SATB2: variants seen among roughly 807,000 people sequenced by gnomAD.
SATB2 encodes SATB homeobox 2, also known as DNA-binding protein SATB2.
A neutral mutation model predicts 73.4 loss-of-function variants in SATB2; 1 was observed. The observed-to-expected ratio is 0.01, with a 90% confidence interval of 0.00 to 0.06. The LOEUF (loss-of-function observed/expected upper bound fraction) is 0.06. Among genes scored for constraint, SATB2 ranks in the 10% least tolerant of loss-of-function variants. The pLI is 1.00. For missense variants in SATB2, 459 were observed against 945.8 expected (o/e 0.49, Z 6.75); for synonymous variants, 397 against 367.0 (o/e 1.08, Z -0.93).
chr2:199,461,944 A>G (rs1692484737), upstream of SATB2, among the ~76,000 whole-genome samples: 1 of 152,062 alleles, frequency 6.6e-6, no homozygotes, highest in Non-Finnish European at 1.5e-5. Context: ...TCCTTCCTAG[A>G]GGCCCGCTCC....
intron 10 of SATB2, among the ~76,000 whole-genome samples, chr2:199,273,352 A>G (rs1692215497): frequency 6.6e-6 from 1 of 152,198 alleles, no homozygotes; most frequent in African/African-American, 2.4e-5. Context: ...CTATGTTCCA[A>G]TAAGACTAAA....
chr2:199,348,175 T>C (rs767283892), intron 7 of SATB2: 2 of 152,478 alleles, frequency 1.3e-5, no homozygotes, highest in African/African-American at 4.8e-5. Context: ...CTATCCATTA[T>C]CATTTTATCA....
At chr2:199,326,295 C>CGTAT (rs1688027236) in intron 8 of SATB2, among the ~76,000 whole-genome samples, 1 of 151,976 alleles carries the variant, frequency 6.6e-6, no homozygotes, top group Non-Finnish European at 1.5e-5. Context: ...ATGCCATGAC[C>CGTAT]GTATTCTCAA....
intron 3 of SATB2, among the ~76,000 whole-genome samples, chr2:199,411,918 T>C (rs1188143036): frequency 1.3e-5 from 2 of 152,218 alleles, no homozygotes; most frequent in Admixed American, 6.5e-5. Flanking sequence ...ACCTCAATTG[T>C]AATTGAATCT....
intron 3 of SATB2, among the ~76,000 whole-genome samples, chr2:199,398,092 G>A (rs1487382502): frequency 3.9e-5 from 6 of 152,126 alleles, no homozygotes; most frequent in Admixed American, 3.9e-4. Flanking sequence ...GCTTCTCAGG[G>A]CAATGAGAAG....
chr2:199,371,314 G>A (rs1302256527), intron 5 of SATB2, among the ~76,000 whole-genome samples: 1 of 152,018 alleles, frequency 6.6e-6, no homozygotes, highest in Non-Finnish European at 1.5e-5. Flanking sequence ...AGGTCATCTT[G>A]ATGTTAGTGT....
rs934509671 is a variant in SATB2 at position 199,463,871 on chromosome 2, C to G, written c.-141+965G>C. ...CAGGCGTCCAGAAATCCGCTCCCAC[C>G]CCTCGTAGGGGCAGGCAAGCTCAGG... On this transcript the variant is annotated intron_variant, in intron 1 of 11. Transcript: ENST00000260926. The surrounding 1 kb of genome is among the most constrained non-coding windows in gnomAD (Gnocchi z 6.4). Among the ~76,000 whole-genome samples the G allele has an allele frequency of 6.6e-6, 1 of 152,190 alleles. No homozygotes were observed. The highest frequency in any genetic ancestry group is 2.4e-5 in the African/African-American group (1 of 41,460).
rs1692265805 is a variant in SATB2, at chr2:199,456,099, AG to A, written c.-59-4del. The stretch of plus-strand genomic sequence containing the variant: ...GTCGCAATAAAACGCACAGGGACCT[AG>A]GGAGGGGGTGGGGGGAGGAAGGGGG... On this transcript the variant is annotated splice_polypyrimidine_tract_variant and splice_region_variant and intron_variant, in intron 1 of 10. Transcript: ENST00000417098. 1.5e-5 allele frequency: 2 copies of A among 132,788 alleles called. No homozygotes were observed. Among genetic ancestry groups the A allele is most frequent in the South Asian group, 4.3e-5 (1 of 23,048 alleles). 8.2% of individuals were successfully genotyped at this position (132,788 alleles called of 1,614,324 possible). A position where few individuals can be genotyped will look rare whatever the true frequency, so the allele number is the denominator to read the frequency against.
chr2:199,411,153 A>C (rs1227171444), intron 3 of SATB2, among the ~76,000 whole-genome samples: 1 of 151,906 alleles, frequency 6.6e-6, no homozygotes, highest in African/African-American at 2.4e-5. Context: ...TTCCATTTTC[A>C]TTCTCTAACA....
intron 4 of SATB2, among the ~76,000 whole-genome samples, chr2:199,381,366 T>C (rs1311562257): frequency 2.0e-5 from 3 of 152,206 alleles, no homozygotes; most frequent in African/African-American, 7.2e-5. Flanking sequence ...GTGCTACACA[T>C]TTAAGCAGGC....
chr2:199,320,290 G>C (rs1687850066), intron 9 of SATB2, among the ~76,000 whole-genome samples: 2 of 152,152 alleles, frequency 1.3e-5, no homozygotes, highest in Admixed American at 1.3e-4. Flanking sequence ...TCTATTCCAT[G>C]ATCTGAGTAT....
Position 199,456,116 on chromosome 2 carries a change from A to T in SATB2, c.-59-20T>A. On this transcript the variant is annotated intron_variant, in intron 1 of 10. Coordinates refer to ENST00000417098, the MANE Select transcript of SATB2 (RefSeq NM_001172509.2). ...AGGGACCTAGGGAGGGGGTGGGGGG[A>T]GGAAGGGGGAGGGAGAAAAAAGAGG... 4 of 269,754 alleles carry T rather than the reference A, an allele frequency of 1.5e-5. No individual in the cohort carries two copies. The highest frequency in any genetic ancestry group is 2.9e-5 in the Non-Finnish European group (4 of 139,902). 16.7% of individuals were successfully genotyped at this position (269,754 alleles called of 1,614,324 possible).
At chr2:199,315,466 A>AC (rs1687704887) in intron 9 of SATB2, among the ~76,000 whole-genome samples, 1 of 151,892 alleles carries the variant, frequency 6.6e-6, no homozygotes, top group Admixed American at 6.6e-5. Flanking sequence ...TGTAAATCTT[A>AC]CATGTTAAGT....
Position 199,272,199 on chromosome 2 carries a change from T to A in SATB2, c.*12A>T, listed in dbSNP as rs1574458546. The A allele has an allele frequency of 1.2e-6, 2 of 1,611,418 alleles. No homozygotes were observed. The highest frequency in any genetic ancestry group is 1.7e-6 in the Non-Finnish European group (2 of 1,177,780). ...TGGACCGATGTATTGCTTTGCCTAG[T>A]AGAAGTTCACATTATCTCTGGTCAA... On this transcript the variant is annotated 3_prime_UTR_variant, in exon 11 of 11. Coordinates refer to ENST00000417098, the MANE Select transcript of SATB2 (RefSeq NM_001172509.2). The surrounding 1 kb of genome is among the most constrained non-coding windows in gnomAD (Gnocchi z 6.7).
chr2:199,403,364 T>C lies in SATB2; in HGVS notation c.347-21544A>G, dbSNP rs1415846917. On this transcript the variant is annotated intron_variant, in intron 3 of 10. Transcript: ENST00000417098. Reference sequence around the variant, plus strand: ...TGTATAATATTGTATAATATTGTAATATTAAGTGAAAAACTAAGATATATA... The same window carrying C: ...TGTATAATATTGTATAATATTGTAACATTAAGTGAAAAACTAAGATATATA... 3.3e-5 allele frequency among the ~76,000 whole-genome samples: 5 copies of C among 152,142 alleles called. No homozygotes were observed. In the East Asian group the frequency reaches 9.7e-4, roughly 29 times the overall value.
rs146825653 is a variant in SATB2, at chr2:199,356,108, T to C, written c.701-6935A>G. Among the ~76,000 whole-genome samples, 13 of 151,796 alleles carry C rather than the reference T, an allele frequency of 8.6e-5. No individual in the cohort carries two copies. In the East Asian group the frequency reaches 2.5e-3, roughly 30 times the overall value. ...TGGATTTTTCTTTAAGCCATTAAGA[T>C]GCTTATGCAAATGTAAATGGATTAG... On this transcript the variant is annotated intron_variant, in intron 6 of 10. Coordinates refer to ENST00000417098, the MANE Select transcript of SATB2 (RefSeq NM_001172509.2).
intron 3 of SATB2, among the ~76,000 whole-genome samples, chr2:199,430,215 G>A (rs1033524715): frequency 6.6e-6 from 1 of 152,206 alleles, no homozygotes; most frequent in African/African-American, 2.4e-5. Flanking sequence ...AATAGTAAAG[G>A]AAGTGGTGAG....
chr2:199,402,526 G>A (rs567302026), intron 3 of SATB2, among the ~76,000 whole-genome samples: 4 of 152,172 alleles, frequency 2.6e-5, no homozygotes, highest in Non-Finnish European at 4.4e-5. Flanking sequence ...TCGTAGCACT[G>A]CACTCCAGCC....
intron 3 of SATB2, among the ~76,000 whole-genome samples, chr2:199,424,759 A>T (rs1691276993): frequency 6.6e-6 from 1 of 152,222 alleles, no homozygotes; most frequent in African/African-American, 2.4e-5. Context: ...TTAATATTAC[A>T]AAATGCTCTA....
Sources: gnomAD v4.1 joint callset for allele counts (sites outside exome capture counted in the v4.1 genomes callset) on GRCh38, gnomAD v4.1.1 for gene constraint, Gnocchi (gnomAD v3.1) non-coding constraint, MANE v1.5 for transcripts, NCBI Gene and HGNC (gene_info 2026-07-23, HGNC 2026-07-21) for gene names.